THSD4: variants seen among roughly 807,000 people sequenced by gnomAD.
THSD4 encodes the protein thrombospondin type 1 domain containing 4, also known as thrombospondin type-1 domain-containing protein 4.
In THSD4, 69 loss-of-function variants were observed where a neutral mutation model predicts 119.0. The ratio of observed to expected loss-of-function variants is 0.58; its 90% CI spans 0.48 to 0.71. The LOEUF (loss-of-function observed/expected upper bound fraction) is 0.71, where lower values mean the gene tolerates loss of function less well. Among genes scored for constraint, THSD4 ranks in the 30% least tolerant of loss-of-function variants. The probability of loss-of-function intolerance (pLI) is 0.00; values close to 1 mark genes in which losing one functional copy is unlikely to be tolerated. For missense variants in THSD4, 1,393 were observed against 1,391.1 expected (o/e 1.00, Z -0.02); for synonymous variants, 524 against 540.4 (o/e 0.97, Z 0.42).
At chr15:71,738,801 C>T (rs745371735) in intron 11 of THSD4, among the ~76,000 whole-genome samples, 13 of 152,124 alleles carry the variant, frequency 8.5e-5, no homozygotes, top group Admixed American at 2.6e-4. Context: ...TAGCTACTCT[C>T]CCTTTACCAT....
chr15:71,581,268 A>G (rs2049552921), intron 7 of THSD4, among the ~76,000 whole-genome samples: 1 of 152,090 alleles, frequency 6.6e-6, no homozygotes, highest in South Asian at 2.1e-4. Flanking sequence ...GTGTGAGGTG[A>G]TGTTGGATTC....
At chr15:71,571,401 C>T (rs544298568) in intron 7 of THSD4, among the ~76,000 whole-genome samples, 94 of 152,210 alleles carry the variant, frequency 6.2e-4, no homozygotes, top group African/African-American at 2.2e-3. Context: ...TCTGGCATCC[C>T]TTTGCCTGAA....
At chr15:71,776,357 A>G (rs948359147) in intron 17 of THSD4, among the ~76,000 whole-genome samples, 4 of 152,246 alleles carry the variant, frequency 2.6e-5, no homozygotes, top group African/African-American at 4.8e-5. Flanking sequence ...CATTAGATAT[A>G]AAGAATTTTC....
chr15:71,588,984 TGA>T (rs950146773), intron 7 of THSD4, among the ~76,000 whole-genome samples: 49 of 152,246 alleles, frequency 3.2e-4, no homozygotes, highest in African/African-American at 1.1e-3. Flanking sequence ...GGAAGCCTTG[TGA>T]GAGAGACCCA....
At chr15:71,294,410 A>G (rs1395063696) in intron 6 of THSD4, among the ~76,000 whole-genome samples, 1 of 152,132 alleles carries the variant, frequency 6.6e-6, no homozygotes, top group East Asian at 1.9e-4. Context: ...GTCCCTTCTT[A>G]CCTTCGCCCT....
At chr15:71,569,788 G>A (rs1217641140) in intron 7 of THSD4, among the ~76,000 whole-genome samples, 1 of 152,178 alleles carries the variant, frequency 6.6e-6, no homozygotes, top group African/African-American at 2.4e-5. Context: ...GAGGTCAGGA[G>A]TTGAAGACTA....
At chr15:71,105,936 A>C (rs908663706) in intron 1 of THSD4, among the ~76,000 whole-genome samples, 1 of 152,200 alleles carries the variant, frequency 6.6e-6, no homozygotes, top group Non-Finnish European at 1.5e-5. Flanking sequence ...ATGATTGGGA[A>C]GATGATAGCT....
intron 6 of THSD4, among the ~76,000 whole-genome samples, chr15:71,345,488 T>C (rs979469875): frequency 1.1e-4 from 17 of 152,316 alleles, no homozygotes; most frequent in African/African-American, 3.8e-4. Context: ...CAATTGGATT[T>C]GGTAATAAAT....
chr15:71,548,120 G>A (rs1595875806), intron 7 of THSD4, among the ~76,000 whole-genome samples: 1 of 145,892 alleles, frequency 6.9e-6, no homozygotes, highest in South Asian at 2.2e-4. Context: ...TTTAACATCA[G>A]TGATACCTCC....
intron 7 of THSD4, among the ~76,000 whole-genome samples, chr15:71,515,294 A>G (rs1371806621): frequency 2.0e-5 from 3 of 152,202 alleles, no homozygotes; most frequent in African/African-American, 7.2e-5. Context: ...CTCCCAAGCA[A>G]TGGCTGAATT....
intron 7 of THSD4, among the ~76,000 whole-genome samples, chr15:71,521,828 G>A (rs988139033): frequency 6.6e-6 from 1 of 152,156 alleles, no homozygotes; most frequent in African/African-American, 2.4e-5. Context: ...TGCATATTGA[G>A]TGCCTACTGC....
At chr15:71,462,410 C>T (rs1036113768) in intron 7 of THSD4, among the ~76,000 whole-genome samples, 3 of 152,204 alleles carry the variant, frequency 2.0e-5, no homozygotes, top group African/African-American at 2.4e-5. Context: ...TCCTGCACCA[C>T]CCAAAATGTT....
In THSD4 at chr15:71,152,431, A is replaced by T. The variant is rs117577326; in HGVS notation, c.30-2432A>T. ...AACGAGACTCTGTCTCCAAAAAAAA[A>T]AAAATAAAAATCAACAAAAGGAAAG... On this transcript the variant is annotated intron_variant, in intron 2 of 17. Transcript: ENST00000261862. Among the ~76,000 whole-genome samples, 334 of 152,182 alleles carry T rather than the reference A, an allele frequency of 2.2e-3. 10 individuals carry two copies. In the East Asian group the frequency reaches 0.052, roughly 24 times the overall value.
intron 6 of THSD4, among the ~76,000 whole-genome samples, chr15:71,408,477 C>T (rs958477709): frequency 1.3e-5 from 2 of 152,160 alleles, no homozygotes; most frequent in African/African-American, 4.8e-5. Flanking sequence ...AAGCAATCCT[C>T]CTGCTTCAGC....
intron 6 of THSD4, among the ~76,000 whole-genome samples, chr15:71,369,105 T>A (rs2046007959): frequency 6.6e-6 from 1 of 152,220 alleles, no homozygotes; most frequent in South Asian, 2.1e-4. Flanking sequence ...TGTATAAGAA[T>A]GCTTGTGATT....
At chr15:71,676,126 A>G (rs1425125300) in intron 8 of THSD4, among the ~76,000 whole-genome samples, 1 of 152,244 alleles carries the variant, frequency 6.6e-6, no homozygotes, top group South Asian at 2.1e-4. Context: ...AGCTCTTAAA[A>G]AGAGTAGAAC....
At position 71,530,726 on chromosome 15, in the gene THSD4, T is replaced by C. The variant is rs568790644; in HGVS notation, c.1152+118903T>C. Among the ~76,000 whole-genome samples, 3 of 152,138 alleles carry C rather than the reference T, an allele frequency of 2.0e-5. No individual in the cohort carries two copies. In the South Asian group the frequency reaches 6.2e-4, roughly 32 times the overall value. On this transcript the variant is annotated intron_variant, in intron 7 of 17. Transcript: ENST00000261862. Reference sequence around the variant, plus strand: ...CCCTGAAGAGATGTATCCCTTAGGGTCAGTGGAGTGTTTGCTCTCTTTCAC... The same window carrying C: ...CCCTGAAGAGATGTATCCCTTAGGGCCAGTGGAGTGTTTGCTCTCTTTCAC...
At chr15:71,608,893 G>A (rs898302350) in intron 7 of THSD4, among the ~76,000 whole-genome samples, 15 of 152,124 alleles carry the variant, frequency 9.9e-5, no homozygotes, top group African/African-American at 3.4e-4. Context: ...GATTTCACAC[G>A]CCCCATTTCA....
chr15:71,557,978 C>T (rs1273619141), intron 7 of THSD4, among the ~76,000 whole-genome samples: 2 of 152,040 alleles, frequency 1.3e-5, no homozygotes, highest in African/African-American at 2.4e-5. Context: ...TTCAATTCTG[C>T]TCTTTCCGCG....
Sources: gnomAD v4.1 joint callset for allele counts (sites outside exome capture counted in the v4.1 genomes callset) on GRCh38, gnomAD v4.1.1 for gene constraint, MANE v1.5 for transcripts, NCBI Gene and HGNC (gene_info 2026-07-23, HGNC 2026-07-21) for gene names.